Variants in TVP23C observed in about 807,000 individuals in gnomAD.
The protein encoded by TVP23C is Golgi apparatus membrane protein TVP23 homolog C.
A neutral mutation model predicts 28.7 loss-of-function variants in TVP23C; 19 were observed. That is an observed-to-expected ratio of 0.66 (90% CI 0.46 to 0.97). The LOEUF (loss-of-function observed/expected upper bound fraction) is 0.97. TVP23C is among the 50% of genes least tolerant of loss of function. The pLI is 0.00. For missense variants in TVP23C, 186 were observed against 241.3 expected (o/e 0.77, Z 1.52); for synonymous variants, 68 against 81.7 (o/e 0.83, Z 0.90).
chr17:15,544,070 T>TAAA lies in TVP23C; in HGVS notation c.462+1712_462+1714dup, dbSNP rs879918055. On this transcript the variant is annotated intron_variant, in intron 5 of 5. Coordinates refer to ENST00000518321, the MANE Select transcript of TVP23C (RefSeq NM_001135036.2). ...ACAAATACATCTGGGTTACATGAAC[T>TAAA]AAAAAAAAAAACACCTTATGAGGAG... Among the ~76,000 whole-genome samples, 3 of 143,750 alleles carry TAAA rather than the reference T, an allele frequency of 2.1e-5. No homozygotes were observed. The East Asian group carries it at 6.0e-4, about 29-fold the overall frequency. The allele number at this position is 143,750 out of a possible 152,430, so 94.3% of individuals were successfully genotyped here. A position where few individuals can be genotyped will look rare whatever the true frequency, so the allele number is the denominator to read the frequency against.
Position 15,538,386 on chromosome 17 carries a change from C to T in TVP23C, c.*2026G>A, listed in dbSNP as rs1983250500. On this transcript the variant is annotated 3_prime_UTR_variant, in exon 6 of 6. Coordinates refer to ENST00000518321, the MANE Select transcript of TVP23C (RefSeq NM_001135036.2). Reference sequence around the variant, plus strand: ...AGGGTGGATCATGAGGTCAGGAGATCGAGACCCTCCTGGCTAACACAGTGA... The same window carrying T: ...AGGGTGGATCATGAGGTCAGGAGATTGAGACCCTCCTGGCTAACACAGTGA... 1.2e-6 allele frequency: 1 copy of T among 829,670 alleles called. No homozygotes were observed. The highest frequency in any genetic ancestry group is 1.9e-5 in the African/African-American group (1 of 53,984). The allele number at this position is 829,670 out of a possible 1,614,324, so 51.4% of individuals were successfully genotyped here.
chr17:15,516,056 A>G (rs1461717302), intron 5 of TVP23C, among the ~76,000 whole-genome samples: 1 of 152,118 alleles, frequency 6.6e-6, no homozygotes, highest in East Asian at 1.9e-4. Context: ...GCCATGAGTA[A>G]AAGCTCCCTG....
At chr17:15,556,635 T>G (rs536609301) in intron 1 of TVP23C, among the ~76,000 whole-genome samples, 145 of 152,170 alleles carry the variant, frequency 9.5e-4, no homozygotes, top group Non-Finnish European at 1.9e-3. Context: ...ATTACAGGCG[T>G]GAGCCACCAT....
chr17:15,505,486 A>C (rs1167635797), intron 5 of TVP23C, among the ~76,000 whole-genome samples: 1 of 152,160 alleles, frequency 6.6e-6, no homozygotes, highest in Non-Finnish European at 1.5e-5. Context: ...GCTTTTGCAG[A>C]TACCACCGCC....
chr17:15,562,089 T>C (rs1395740229), intron 1 of TVP23C: 2 of 152,214 alleles, frequency 1.3e-5, no homozygotes, highest in African/African-American at 4.8e-5. Context: ...CACTAAGAAA[T>C]ACCCATAAAA....
intron 1 of TVP23C, among the ~76,000 whole-genome samples, chr17:15,558,694 A>C (rs568934927): frequency 6.7e-5 from 10 of 148,628 alleles, no homozygotes; most frequent in East Asian, 4.0e-4. Context: ...TTAGAAGCTG[A>C]ATCAGGCAAG....
chr17:15,534,954 G>C (rs1489585740), downstream of TVP23C, among the ~76,000 whole-genome samples: 1 of 151,198 alleles, frequency 6.6e-6, no homozygotes, highest in Non-Finnish European at 1.5e-5. Flanking sequence ...GGCAACAAGA[G>C]AGAAACTCCA....
chr17:15,507,499 T>G lies in TVP23C; in HGVS notation c.463-4267A>C, dbSNP rs1230053573. On this transcript the variant is annotated intron_variant, in intron 5 of 5. Transcript: ENST00000225576. ...TGGGTTCCATGTTTTCCTTGTTCCC[T>G]TCCATGCCTAGCTGGATTGTAGAGT... 6.6e-5 allele frequency: 27 copies of G among 411,498 alleles called. No individual in the cohort carries two copies. In the East Asian group the frequency reaches 1.3e-3, roughly 20 times the overall value. The allele number at this position is 411,498 out of a possible 1,614,324, so 25.5% of individuals were successfully genotyped here.
At chr17:15,554,305 T>C (rs1269493890) in intron 2 of TVP23C, among the ~76,000 whole-genome samples, 1 of 147,650 alleles carries the variant, frequency 6.8e-6, no homozygotes, top group Non-Finnish European at 1.5e-5. Context: ...TGGCGCAATC[T>C]CGGCTCACTG....
intron 1 of TVP23C, chr17:15,563,184 G>C (rs1191055490): frequency 1.1e-5 from 6 of 567,368 alleles, no homozygotes; most frequent in Non-Finnish European, 8.9e-6. Flanking sequence ...CCCCACTCGC[G>C]CTGGTTAACA....
downstream of TVP23C, among the ~76,000 whole-genome samples, chr17:15,535,423 G>A (rs1983115759): frequency 6.6e-6 from 1 of 150,632 alleles, no homozygotes; most frequent in African/African-American, 2.5e-5. Context: ...CAGTGTAGGT[G>A]TTCCAACCGA....
chr17:15,547,481 A>G (rs1983697482), intron 3 of TVP23C, among the ~76,000 whole-genome samples: 2 of 152,176 alleles, frequency 1.3e-5, no homozygotes, highest in Non-Finnish European at 2.9e-5. Context: ...CCTACTTTAC[A>G]TCCTGACTAT....
intron 5 of TVP23C, chr17:15,507,135 A>G: frequency 1.2e-6 from 1 of 833,886 alleles, no homozygotes; most frequent in Non-Finnish European, 2.0e-6. Context: ...CCTAAAGCAT[A>G]CAGGTCCTGA....
intron 5 of TVP23C, among the ~76,000 whole-genome samples, chr17:15,510,012 G>C (rs2150828356): frequency 6.6e-6 from 1 of 152,348 alleles, no homozygotes; most frequent in East Asian, 1.9e-4. Context: ...TGAGTGGTAA[G>C]ACATACCCTG....
At chr17:15,505,704 G>A (rs1408042593) in intron 5 of TVP23C, among the ~76,000 whole-genome samples, 1 of 152,234 alleles carries the variant, frequency 6.6e-6, no homozygotes, top group African/African-American at 2.4e-5. Context: ...GAGGGAGAGG[G>A]GCGAGCGGGA....
chr17:15,520,895 C>A (rs1021721149), intron 5 of TVP23C, among the ~76,000 whole-genome samples: 1 of 151,340 alleles, frequency 6.6e-6, no homozygotes, highest in Non-Finnish European at 1.5e-5. Flanking sequence ...AATATCTACA[C>A]AAAAATCCTA....
In TVP23C at chr17:15,538,544, C is replaced by G. The variant is rs540404070; in HGVS notation, c.*1868G>C. On this transcript the variant is annotated 3_prime_UTR_variant, in exon 6 of 6. Coordinates refer to ENST00000518321, the MANE Select transcript of TVP23C (RefSeq NM_001135036.2). ...GGTGGAGTTTGCAGTGAGCCGAGAT[C>G]GCGCCACTGCACTCCAGCCTGGGCA... The G allele has an allele frequency of 2.3e-5, 21 of 913,938 alleles. No homozygotes were observed. In the East Asian group the frequency reaches 3.6e-4, roughly 15 times the overall value. 56.6% of individuals were successfully genotyped at this position (913,938 alleles called of 1,614,324 possible). A position where few individuals can be genotyped will look rare whatever the true frequency, so the allele number is the denominator to read the frequency against.
In TVP23C at chr17:15,539,668, T is replaced by A; in HGVS notation, c.*744A>T. On this transcript the variant is annotated 3_prime_UTR_variant, in exon 6 of 6. Transcript: ENST00000518321. ...GATTTAACCAATAATTATTTACCTA[T>A]GACTACTACTCATCCTGCTGAAAAC... 6 of 985,066 alleles carry A rather than the reference T, an allele frequency of 6.1e-6. No individual in the cohort carries two copies. The highest frequency in any genetic ancestry group is 7.2e-6 in the Non-Finnish European group (6 of 829,834). The allele number at this position is 985,066 out of a possible 1,614,324, so 61.0% of individuals were successfully genotyped here.
intron 5 of TVP23C, among the ~76,000 whole-genome samples, chr17:15,508,185 G>T (rs762464573): frequency 6.6e-6 from 1 of 152,166 alleles, no homozygotes. Flanking sequence ...CCTCTGCTGG[G>T]TTGAAGGCAT....
Sources: allele counts gnomAD v4.1 joint callset (sites outside exome capture counted in the v4.1 genomes callset), GRCh38; gene constraint gnomAD v4.1.1; transcripts MANE v1.5; gene names NCBI Gene and HGNC (gene_info 2026-07-23, HGNC 2026-07-21).